STAU2: variants seen among roughly 807,000 people sequenced by gnomAD.
STAU2 encodes the protein staufen double-stranded RNA binding protein 2, also known as double-stranded RNA-binding protein Staufen homolog 2.
STAU2 carries 20 observed loss-of-function variants against 65.9 expected under a neutral mutation model. The observed-to-expected ratio is 0.30, with a 90% CI of 0.21 to 0.44. STAU2 has a LOEUF of 0.44. STAU2 is among the 20% of genes least tolerant of loss of function. The pLI is 1.00. For missense variants in STAU2, 558 were observed against 683.9 expected (o/e 0.82, Z 2.05); for synonymous variants, 232 against 233.9 (o/e 0.99, Z 0.07).
chr8:73,499,989 T>A (rs1300856503), intron 13 of STAU2, among the ~76,000 whole-genome samples: 1 of 151,850 alleles, frequency 6.6e-6, no homozygotes, highest in Non-Finnish European at 1.5e-5. Flanking sequence ...TTTATTTTAT[T>A]TATCTTATAC....
At chr8:73,496,175 T>C (rs1821408928) in intron 13 of STAU2, among the ~76,000 whole-genome samples, 2 of 151,218 alleles carry the variant, frequency 1.3e-5, no homozygotes, top group Non-Finnish European at 3.0e-5. Context: ...ACTATAAAAT[T>C]CTGTCTCTCT....
At chr8:73,695,938 G>C (rs1348996883) in intron 4 of STAU2, among the ~76,000 whole-genome samples, 1 of 152,146 alleles carries the variant, frequency 6.6e-6, no homozygotes, top group Non-Finnish European at 1.5e-5. Context: ...TGGAACCCAG[G>C]GAAAAACCCG....
chr8:73,660,497 G>T (rs1317832372), intron 6 of STAU2, among the ~76,000 whole-genome samples: 1 of 152,162 alleles, frequency 6.6e-6, no homozygotes, highest in Non-Finnish European at 1.5e-5. Context: ...AAGGAGCATG[G>T]AGTCCTGAAG....
chr8:73,561,211 G>A (rs920435099), intron 12 of STAU2, among the ~76,000 whole-genome samples: 1 of 152,140 alleles, frequency 6.6e-6, no homozygotes, highest in African/African-American at 2.4e-5. Flanking sequence ...AGTCAGTGTG[G>A]TGCAGGGAAG....
chr8:73,481,508 C>CAAAAAAAA (rs1346555942), intron 13 of STAU2, among the ~76,000 whole-genome samples: 1 of 77,848 alleles, frequency 1.3e-5, no homozygotes, highest in Non-Finnish European at 2.7e-5. Context: ...GCCAAAAAAA[C>CAAAAAAAA]AAAAAAACAA....
rs538947465 is a variant in STAU2, at chr8:73,580,547, G to A, written c.1222+2223C>T. ...CACAGGACAGAAACCATTTAGAATA[G>A]AATTTCAAACTTAAGAAACTGATTA... On this transcript the variant is annotated intron_variant, in intron 12 of 14. Transcript: ENST00000524300. Among the ~76,000 whole-genome samples the A allele has an allele frequency of 2.8e-4, 42 of 152,296 alleles. No homozygotes were observed. The East Asian group carries it at 8.1e-3, about 29-fold the overall frequency.
intron 12 of STAU2, among the ~76,000 whole-genome samples, chr8:73,564,696 G>T (rs1010968022): frequency 6.6e-6 from 1 of 152,016 alleles, no homozygotes; most frequent in African/African-American, 2.4e-5. Context: ...TACTCAGTGG[G>T]TCCTCAAATA....
At chr8:73,714,418 T>C (rs1821105355) in intron 3 of STAU2, among the ~76,000 whole-genome samples, 1 of 152,110 alleles carries the variant, frequency 6.6e-6, no homozygotes. Flanking sequence ...GACCCTAACA[T>C]AAGGCTGTCC....
intron 13 of STAU2, chr8:73,527,846 A>T: frequency 7.1e-7 from 1 of 1,410,176 alleles, no homozygotes; most frequent in Non-Finnish European, 9.6e-7. Context: ...CCATTTTCAG[A>T]GGGGACAAGA....
intron 3 of STAU2, 118 bp from the exon 4 acceptor site, chr8:73,709,280 T>C: frequency 1.0e-6 from 1 of 954,614 alleles, no homozygotes; most frequent in East Asian, 2.8e-5. Context: ...AATTTTGTAT[T>C]TTAAAAATTC....
chr8:73,665,244 T>C (rs1817147899), intron 6 of STAU2, among the ~76,000 whole-genome samples: 1 of 152,252 alleles, frequency 6.6e-6, no homozygotes, highest in Non-Finnish European at 1.5e-5. Context: ...GTTACCTTGC[T>C]GCCTATCTTT....
rs548492828 is a variant in STAU2, at chr8:73,582,771, A to G, written c.1221T>C (p.Asn407=). 1.9e-6 allele frequency: 3 copies of G among 1,613,018 alleles called. No individual in the cohort carries two copies. The highest frequency in any genetic ancestry group is 1.7e-5 in the Admixed American group (1 of 59,984). ...PKPGFPEPTN[N]TPKGILHLSP... Reference sequence around the variant, plus strand: ...GACAACATAAAAATGAGAACTTACTATTATTTGTTGGTTCAGGAAACCCAG... The same window carrying G: ...GACAACATAAAAATGAGAACTTACTGTTATTTGTTGGTTCAGGAAACCCAG... Residue 407 remains asparagine (N), a splice_region_variant and synonymous_variant, in exon 12 of 15, where the codon AAT becomes AAC. Coordinates refer to ENST00000524300, the MANE Select transcript of STAU2 (RefSeq NM_001164380.2).
intron 13 of STAU2, among the ~76,000 whole-genome samples, chr8:73,469,003 C>A (rs1420097715): frequency 6.6e-6 from 1 of 151,998 alleles, no homozygotes; most frequent in Non-Finnish European, 1.5e-5. Flanking sequence ...GACACATGCA[C>A]ACGTATGTTT....
At chr8:73,635,319 A>G (rs1307595252) in intron 6 of STAU2, among the ~76,000 whole-genome samples, 2 of 152,230 alleles carry the variant, frequency 1.3e-5, no homozygotes, top group Non-Finnish European at 2.9e-5. Flanking sequence ...ACAGGTGGAC[A>G]CTGGAGGCAA....
Position 73,430,714 on chromosome 8 carries a change from C to A in STAU2, c.1531-8012G>T, listed in dbSNP as rs183671459. ...GTCCACAAAAATGTTTTACTACATACCTCCAAACCTGTTCAGAAGATGGTA... is the reference window on the plus strand; with the variant it reads ...GTCCACAAAAATGTTTTACTACATAACTCCAAACCTGTTCAGAAGATGGTA... On this transcript the variant is annotated intron_variant, in intron 13 of 14. Coordinates refer to ENST00000524300, the MANE Select transcript of STAU2 (RefSeq NM_001164380.2). 2.0e-3 allele frequency among the ~76,000 whole-genome samples: 305 copies of A among 152,314 alleles called. 4 individuals carry two copies. Among genetic ancestry groups the A allele is most frequent in the Non-Finnish European group, 1.2e-3 (79 of 68,038 alleles).
At chr8:73,537,897 A>G (rs1806288390) in intron 13 of STAU2, among the ~76,000 whole-genome samples, 1 of 152,224 alleles carries the variant, frequency 6.6e-6, no homozygotes, top group Non-Finnish European at 1.5e-5. Context: ...AACATGTTAT[A>G]AAGAGTCACA....
At chr8:73,435,882 G>A (rs1016760912) in intron 13 of STAU2, among the ~76,000 whole-genome samples, 1 of 151,822 alleles carries the variant, frequency 6.6e-6, no homozygotes, top group African/African-American at 2.4e-5. Flanking sequence ...AGGGACCTGA[G>A]GGAAGCACCT....
intron 9 of STAU2, among the ~76,000 whole-genome samples, chr8:73,610,396 G>C (rs1268920011): frequency 6.6e-6 from 1 of 151,920 alleles, no homozygotes; most frequent in Non-Finnish European, 1.5e-5. Flanking sequence ...AAATTAGCTA[G>C]GTATGGTGGC....
At position 73,738,287 on chromosome 8, in the gene STAU2, A is replaced by T. The variant is rs542965531; in HGVS notation, c.-21T>A. The T allele has an allele frequency of 5.6e-6, 9 of 1,611,534 alleles. No homozygotes were observed. In the Admixed American group the frequency reaches 1.5e-4, roughly 27 times the overall value. ...AAATGCCTTAACACAAACTCACCTG[A>T]TTTATTTGAAGCATGTTAAGACAAT... On this transcript the variant is annotated 5_prime_UTR_variant, in exon 3 of 15. Coordinates refer to ENST00000524300, the MANE Select transcript of STAU2 (RefSeq NM_001164380.2).
Sources: allele counts gnomAD v4.1 joint callset (sites outside exome capture counted in the v4.1 genomes callset), GRCh38; gene constraint gnomAD v4.1.1; transcripts MANE v1.5; gene names NCBI Gene and HGNC (gene_info 2026-07-23, HGNC 2026-07-21).